Variants in LNX2 observed in about 807,000 individuals in gnomAD.
The protein encoded by LNX2 is ligand of Numb protein X 2.
LNX2 carries 35 observed loss-of-function variants against 66.2 expected under a neutral mutation model. The observed-to-expected ratio is 0.53, with a 90% confidence interval of 0.40 to 0.70. LNX2 has a LOEUF of 0.70. Among genes scored for constraint, LNX2 ranks in the 30% least tolerant of loss-of-function variants. The probability of loss-of-function intolerance (pLI) is 0.00; values close to 1 mark genes in which losing one functional copy is unlikely to be tolerated. For missense variants in LNX2, 791 were observed against 850.8 expected (o/e 0.93, Z 0.87); for synonymous variants, 337 against 315.6 (o/e 1.07, Z -0.72).
At chr13:27,582,144 C>T (rs1471579971) in intron 1 of LNX2, among the ~76,000 whole-genome samples, 3 of 152,170 alleles carry the variant, frequency 2.0e-5, no homozygotes, top group Non-Finnish European at 4.4e-5. Flanking sequence ...ACTCTCCCAT[C>T]TCAGCCTCCC....
At chr13:27,577,217 T>C (rs895753875) in intron 2 of LNX2, among the ~76,000 whole-genome samples, 1 of 152,328 alleles carries the variant, frequency 6.6e-6, no homozygotes, top group East Asian at 1.9e-4. Context: ...ATTGGATTTA[T>C]CTTTTCATTT....
intron 1 of LNX2, among the ~76,000 whole-genome samples, chr13:27,600,365 A>G (rs1334836315): frequency 6.6e-6 from 1 of 152,222 alleles, no homozygotes; most frequent in African/African-American, 2.4e-5. Flanking sequence ...ATGGGTACAG[A>G]TATTCCAATG....
At chr13:27,568,843 C>T (rs1391866678) in intron 3 of LNX2, among the ~76,000 whole-genome samples, 186 bp downstream of exon 3, 1 of 152,096 alleles carries the variant, frequency 6.6e-6, no homozygotes. Flanking sequence ...AAAATGCAAA[C>T]TGTTAGAATT....
chr13:27,596,210 T>A (rs1955597748), intron 1 of LNX2, among the ~76,000 whole-genome samples: 1 of 151,854 alleles, frequency 6.6e-6, no homozygotes, highest in African/African-American at 2.4e-5. Flanking sequence ...ACTGAAAAAA[T>A]TAAGAAAAAG....
chr13:27,613,039 G>C (rs1188112553), intron 1 of LNX2, among the ~76,000 whole-genome samples: 1 of 152,168 alleles, frequency 6.6e-6, no homozygotes, highest in South Asian at 2.1e-4. Flanking sequence ...TATGGGGGTA[G>C]GGGGTTGAGG....
intron 1 of LNX2, 66 bp from the exon 2 acceptor site, chr13:27,581,869 C>A: frequency 6.4e-6 from 3 of 468,338 alleles, no homozygotes; most frequent in Non-Finnish European, 1.1e-5. Context: ...TTAAAAGTAT[C>A]AATGTAATAT....
chr13:27,614,407 A>G (rs888889367), intron 1 of LNX2, among the ~76,000 whole-genome samples: 1 of 152,138 alleles, frequency 6.6e-6, no homozygotes, highest in Admixed American at 6.5e-5. Flanking sequence ...AGCCACTCAG[A>G]GCATAGGAGT....
chr13:27,553,267 G>A lies in LNX2; in HGVS notation c.1719C>T (p.Ser573=), dbSNP rs1566114545. 1.2e-6 allele frequency: 2 copies of A among 1,614,110 alleles called. No homozygotes were observed. The highest frequency in any genetic ancestry group is 1.3e-5 in the African/African-American group (1 of 75,018). Residue 573 remains serine (S), a synonymous_variant, in exon 8 of 10, where the codon AGC becomes AGT. Coordinates refer to ENST00000316334, the MANE Select transcript of LNX2 (RefSeq NM_153371.4). ...ACCAACTGGCATCATACTCATTTTC[G>A]CTGAAAGTACTCGGCTGCTCCTCCG... ...QNAEEQPSTF[S]ENEYDASWSP... is the part of the protein sequence containing the mutation.
intron 1 of LNX2, among the ~76,000 whole-genome samples, chr13:27,599,722 T>G (rs1955636703): frequency 1.3e-5 from 2 of 152,260 alleles, no homozygotes; most frequent in South Asian, 4.1e-4. Flanking sequence ...TCCTGCAGAT[T>G]ATGTTAATGG....
chr13:27,617,072 T>C (rs1044254758), intron 1 of LNX2, among the ~76,000 whole-genome samples: 1 of 152,204 alleles, frequency 6.6e-6, no homozygotes, highest in African/African-American at 2.4e-5. Context: ...AATAACTTCT[T>C]AGAAGGCTAA....
intron 1 of LNX2, among the ~76,000 whole-genome samples, chr13:27,607,322 C>T (rs923094562): frequency 6.6e-5 from 10 of 152,194 alleles, no homozygotes; most frequent in South Asian, 4.1e-4. Context: ...CGCACCACAA[C>T]GTCAACTGAT....
At chr13:27,548,745 G>A (rs578050906) in intron 9 of LNX2, among the ~76,000 whole-genome samples, 73 of 152,188 alleles carry the variant, frequency 4.8e-4, no homozygotes, top group African/African-American at 1.6e-3. Flanking sequence ...AAAATATAGA[G>A]TAAATATGCT....
intron 2 of LNX2, among the ~76,000 whole-genome samples, chr13:27,571,206 A>T (rs1188226476): frequency 6.6e-6 from 1 of 152,222 alleles, no homozygotes; most frequent in East Asian, 1.9e-4. Context: ...GAAGGAGATT[A>T]TGAGACAAAG....
At chr13:27,557,416 T>C (rs1166837373) in intron 6 of LNX2, among the ~76,000 whole-genome samples, 2 of 152,192 alleles carry the variant, frequency 1.3e-5, no homozygotes, top group East Asian at 3.9e-4. Context: ...ATTTTGTATA[T>C]GTTTATATAG....
intron 9 of LNX2, among the ~76,000 whole-genome samples, chr13:27,549,453 C>A (rs17085753): frequency 0.13 from 20,275 of 152,150 alleles, 1,605 homozygotes; most frequent in East Asian, 0.28. Flanking sequence ...ACGCTGTACA[C>A]TGAGCGAGGA....
At chr13:27,551,078 T>C (rs1955002518) in intron 8 of LNX2, among the ~76,000 whole-genome samples, 1 of 152,202 alleles carries the variant, frequency 6.6e-6, no homozygotes, top group Non-Finnish European at 1.5e-5. Context: ...ATTGCCAAAA[T>C]AGAGAAATCA....
intron 1 of LNX2, among the ~76,000 whole-genome samples, chr13:27,583,057 TA>T (rs1161208507): frequency 6.6e-6 from 1 of 151,824 alleles, no homozygotes; most frequent in African/African-American, 2.4e-5. Flanking sequence ...TTTATTCCAC[TA>T]AAAGAAAAAA....
intron 1 of LNX2, among the ~76,000 whole-genome samples, chr13:27,586,007 T>C (rs977706784): frequency 2.7e-5 from 4 of 148,120 alleles, no homozygotes; most frequent in African/African-American, 9.8e-5. Flanking sequence ...TACACTTATA[T>C]ATATATATAT....
chr13:27,573,910 C>T (rs1217824570), intron 2 of LNX2, among the ~76,000 whole-genome samples: 1 of 134,144 alleles, frequency 7.5e-6, no homozygotes, highest in Admixed American at 7.3e-5. Flanking sequence ...GAAACAAGTA[C>T]AGCCCATTCA....
Sources: gnomAD v4.1 joint callset for allele counts (sites outside exome capture counted in the v4.1 genomes callset) on GRCh38, gnomAD v4.1.1 for gene constraint, MANE v1.5 for transcripts, NCBI Gene and HGNC (gene_info 2026-07-23, HGNC 2026-07-21) for gene names.